The following PKD1 variants were observed in gnomAD, a reference collection of about 807,000 sequenced individuals.
PKD1 encodes the protein polycystin 1, transient receptor potential channel interacting, also known as polycystin-1.
A neutral mutation model predicts 361.7 loss-of-function variants in PKD1; 81 were observed. The ratio of observed to expected loss-of-function variants is 0.22; its 90% CI spans 0.19 to 0.27. The LOEUF (loss-of-function observed/expected upper bound fraction) is 0.27. Ranked by LOEUF, PKD1 falls within the 10% of genes least tolerant of loss-of-function variation. PKD1 has a pLI of 1.00. For missense variants in PKD1, 6,399 were observed against 6,118.3 expected (o/e 1.05, Z -1.53); for synonymous variants, 3,615 against 2,818.3 (o/e 1.28, Z -8.95).
At chr16:2,129,977 CG>C (rs1188563590) in intron 1 of PKD1, among the ~76,000 whole-genome samples, 1 of 152,194 alleles carries the variant, frequency 6.6e-6, no homozygotes, top group Non-Finnish European at 1.5e-5. Context: ...AGTGGGAGCT[CG>C]GGTGCCCCAC....
intron 1 of PKD1, among the ~76,000 whole-genome samples, chr16:2,122,523 G>A (rs1481137121): frequency 5.3e-5 from 8 of 152,202 alleles, no homozygotes; most frequent in Non-Finnish European, 7.4e-5. Flanking sequence ...GCCCACAGCC[G>A]CGCTGCTAGG....
rs778383750 is a variant in PKD1, at chr16:2,103,738, G to A, written c.8319C>T (p.Pro2773=). ...LMRSRVLNEE[P]LTLAGEEIVA... Reference sequence around the variant, plus strand: ...CGATCTCCTCGCCCGCCAGCGTCAGGGGCTCCTCGTTGAGCACGCGGGAGC... The same window carrying A: ...CGATCTCCTCGCCCGCCAGCGTCAGAGGCTCCTCGTTGAGCACGCGGGAGC... Residue 2773 remains proline (P), a synonymous_variant, in exon 23 of 46, where the codon CCC becomes CCT. Transcript: ENST00000262304. 1 of 1,610,026 alleles carries A rather than the reference G, an allele frequency of 6.2e-7. No homozygotes were observed. Among genetic ancestry groups the A allele is most frequent in the Admixed American group, 1.7e-5 (1 of 59,986 alleles).
Position 2,093,959 on chromosome 16 carries a change from G to A in PKD1, c.10673C>T (p.Ala3558Val), listed in dbSNP as rs1425364379. 1 of 1,586,840 alleles carries A rather than the reference G, an allele frequency of 6.3e-7. No homozygotes were observed. The highest frequency in any genetic ancestry group is 8.5e-7 in the Non-Finnish European group (1 of 1,170,074). ...RLLPAWCASLAHGLSLLLVAV... is the reference protein window; with the variant it reads ...RLLPAWCASLVHGLSLLLVAV... Reference sequence around the variant, plus strand: ...CACCAGGAGCAGGCTGAGCCCGTGGGCCAGGGAGGCACACCAGGCCGGCAG... The same window carrying A: ...CACCAGGAGCAGGCTGAGCCCGTGGACCAGGGAGGCACACCAGGCCGGCAG... The change falls in exon 36 of 46, where the codon GCC becomes GTC. Residue 3558 changes from alanine to valine, a missense_variant. Coordinates refer to ENST00000262304, the MANE Select transcript of PKD1 (RefSeq NM_001009944.3).
intron 21 of PKD1, 87 bp downstream of exon 21, chr16:2,105,235 C>T (rs927676959): frequency 4.5e-5 from 61 of 1,362,478 alleles, no homozygotes; most frequent in Admixed American, 4.2e-4. Context: ...CTCAGCTCCT[C>T]GGCCAAGCTG....
chr16:2,112,256 G>C, intron 14 of PKD1, 84 bp downstream of exon 14: 1 of 1,208,326 alleles, frequency 8.3e-7, no homozygotes, highest in Non-Finnish European at 1.2e-6. Context: ...TGGGGAGGAA[G>C]GGGGGCAGCT....
rs747172136 is a variant in PKD1, at chr16:2,091,821, G to A, written c.11497C>T (p.Arg3833Trp). ...TTGTGCAGCTGCAGGAAGCGCAGCC[G>A]GTCGCGGCTCTCCTCCAGGCTCAGG... ...LGLSLEESRD[R>W]LRFLQLHNWL... The change falls in exon 41 of 46, where the codon CGG becomes TGG. Residue 3833 changes from arginine (R) to tryptophan (W), a missense_variant. Arg to Trp is a moderately radical substitution (Grantham distance 101). Coordinates refer to ENST00000262304, the MANE Select transcript of PKD1 (RefSeq NM_001009944.3). 5.0e-6 allele frequency: 8 copies of A among 1,610,178 alleles called. No homozygotes were observed. Among genetic ancestry groups the A allele is most frequent in the Non-Finnish European group, 6.8e-6 (8 of 1,179,160 alleles).
Position 2,108,502 on chromosome 16 carries a change from G to A in PKD1, c.6665C>T (p.Ala2222Val), listed in dbSNP as rs148496347. 1.4e-3 allele frequency: 2,178 copies of A among 1,608,720 alleles called. 2 individuals carry two copies. Among genetic ancestry groups the A allele is most frequent in the Non-Finnish European group, 1.8e-3 (2,065 of 1,179,240 alleles). Residue 2222 changes from alanine (A) to valine (V), a missense_variant, in exon 15 of 46, where the codon GCG (alanine) becomes GTG (valine). Transcript: ENST00000262304. Reference protein sequence around the residue: ...SRPRLVLPRLALPVGHYCFVF... With the variant: ...SRPRLVLPRLVLPVGHYCFVF... ...AAAGCAGTAGTGCCCCACAGGCAGC[G>A]CCAGCCGCGGCAGCACCAGCCGAGG...
At chr16:2,130,667 C>T (rs972527028) in intron 1 of PKD1, among the ~76,000 whole-genome samples, 2 of 152,196 alleles carry the variant, frequency 1.3e-5, no homozygotes, top group East Asian at 1.9e-4. Context: ...CTGGCAGTTG[C>T]GCTCTAAGGC....
intron 1 of PKD1, among the ~76,000 whole-genome samples, chr16:2,121,147 C>T (rs1277053844): frequency 6.6e-6 from 1 of 152,076 alleles, no homozygotes; most frequent in African/African-American, 2.4e-5. Context: ...GGGCGCATCA[C>T]CTGAGGTCAG....
At chr16:2,127,601 G>GC (rs1220320951) in intron 1 of PKD1, among the ~76,000 whole-genome samples, 1 of 151,980 alleles carries the variant, frequency 6.6e-6, no homozygotes, top group African/African-American at 2.4e-5. Flanking sequence ...AGGGGAATGG[G>GC]CCCCCGGAAC....
intron 38 of PKD1, 35 bp downstream of exon 38, chr16:2,092,919 C>T: frequency 6.2e-7 from 1 of 1,612,264 alleles, no homozygotes; most frequent in Non-Finnish European, 8.5e-7. Context: ...AAAACTAAAG[C>T]CCAGAAGACA....
At chr16:2,095,693 G>A (rs1406632391) in intron 34 of PKD1, among the ~76,000 whole-genome samples, 1 of 152,266 alleles carries the variant, frequency 6.6e-6, no homozygotes, top group Non-Finnish European at 1.5e-5. Context: ...ACAAACCCAA[G>A]CCTCCGACCT....
intron 1 of PKD1, among the ~76,000 whole-genome samples, chr16:2,121,953 G>A (rs995258872): frequency 3.3e-5 from 5 of 152,196 alleles, no homozygotes; most frequent in South Asian, 4.1e-4. Flanking sequence ...CTGAACACCC[G>A]CCCAGCCCCT....
intron 1 of PKD1, chr16:2,123,339 T>G (rs1596604862): frequency 2.8e-6 from 1 of 353,990 alleles, no homozygotes; most frequent in East Asian, 8.0e-5. Flanking sequence ...GCCCCCAGGG[T>G]GTGGAAGCGT....
At position 2,113,223 on chromosome 16, in the gene PKD1, G is replaced by C. The variant is rs961951428; in HGVS notation, c.2923C>G (p.Leu975Val). The change falls in exon 12 of 46, where the codon CTG becomes GTG. Residue 975 changes from leucine (L) to valine (V), a missense_variant. Physicochemically the swap from Leu to Val is conservative, Grantham distance 32. Coordinates refer to ENST00000262304, the MANE Select transcript of PKD1 (RefSeq NM_001009944.3). ...FRWTINDKQS[L>V]TFQNVVFNVI... ...TTGAAGACCACGTTCTGGAAGGTCAGGGACTGCTTGTCGTTGATGGTCCAC... is the reference window on the plus strand; with the variant it reads ...TTGAAGACCACGTTCTGGAAGGTCACGGACTGCTTGTCGTTGATGGTCCAC... 8.4e-6 allele frequency: 12 copies of C among 1,424,606 alleles called. No individual in the cohort carries two copies. The highest frequency in any genetic ancestry group is 2.4e-4 in the Middle Eastern group (1 of 4,112). The allele number at this position is 1,424,606 out of a possible 1,614,324, so 88.2% of individuals were successfully genotyped here. A position where few individuals can be genotyped will look rare whatever the true frequency, so the allele number is the denominator to read the frequency against.
At chr16:2,101,877 G>C in intron 26 of PKD1, 184 bp downstream of exon 26, 1 of 635,954 alleles carries the variant, frequency 1.6e-6, no homozygotes, top group Non-Finnish European at 2.9e-6. Context: ...GCTAGGAGCT[G>C]TCCTAGTCCT....
rs36224193 is a variant in PKD1 at position 2,090,676 on chromosome 16, G to C, written c.12136C>G (p.Leu4046Val). 4.3e-6 allele frequency: 7 copies of C among 1,611,986 alleles called. No homozygotes were observed. In the African/African-American group the frequency reaches 6.7e-5, roughly 15 times the overall value. Residue 4046 changes from leucine (L) to valine (V), a missense_variant and splice_region_variant, in exon 44 of 46, where the codon CTG (leucine) becomes GTG (valine). Physicochemically the swap from Leu to Val is conservative, Grantham distance 32. Transcript: ENST00000262304. ...LGVAYAQLAI[L>V]LVSSCVDSLW... ...TCCCCGGCCGCGCAGTCACCTACCA[G>C]GATGGCCAGCTGGGCGTAGGCTACC... is the stretch of plus-strand genomic sequence containing the variant.
Position 2,110,854 on chromosome 16 carries a change from G to A in PKD1, c.4313C>T (p.Pro1438Leu). The A allele has an allele frequency of 1.2e-6, 2 of 1,611,922 alleles. No homozygotes were observed. Among genetic ancestry groups the A allele is most frequent in the South Asian group, 1.1e-5 (1 of 91,040 alleles). Residue 1438 changes from proline to leucine, a missense_variant, in exon 15 of 46, where the codon CCA (proline) becomes CTA (leucine). By Grantham distance (98) the Pro-to-Leu change is moderately conservative. Transcript: ENST00000262304. ...GGTGACTGTCACAAGATAGGAGCCT[G>A]GGTCTCGGTAGATGAACGTCACCTC... Reference protein sequence around the residue: ...GPEVTFIYRDPGSYLVTVTAS... With the variant: ...GPEVTFIYRDLGSYLVTVTAS...
Position 2,110,024 on chromosome 16 carries a change from C to G in PKD1, c.5143G>C (p.Val1715Leu). The G allele has an allele frequency of 6.2e-7, 1 of 1,610,502 alleles. No individual in the cohort carries two copies. Among genetic ancestry groups the G allele is most frequent in the Non-Finnish European group, 8.5e-7 (1 of 1,179,668 alleles). Residue 1715 changes from valine (V) to leucine (L), a missense_variant, in exon 15 of 46, where the codon GTG becomes CTG. By Grantham distance (32) the Val-to-Leu change is conservative. Coordinates refer to ENST00000262304, the MANE Select transcript of PKD1 (RefSeq NM_001009944.3). ...ACCATCAGCCACCCCACAGGCTCCA[C>G]GAAGTCCATGGTGCAGTCGGCCCAG... is the stretch of plus-strand genomic sequence containing the variant. ...SAWADCTMDF[V>L]EPVGWLMVAA... is the part of the protein sequence containing the mutation.
Sources: gnomAD v4.1 joint callset for allele counts (sites outside exome capture counted in the v4.1 genomes callset) on GRCh38, gnomAD v4.1.1 for gene constraint, MANE v1.5 for transcripts, NCBI Gene and HGNC (gene_info 2026-07-23, HGNC 2026-07-21) for gene names.